The following VPS37A variants were observed in gnomAD, a reference collection of about 807,000 sequenced individuals.
The protein encoded by VPS37A is vacuolar protein sorting-associated protein 37A.
VPS37A carries 30 observed loss-of-function variants against 49.8 expected under a neutral mutation model. The ratio of observed to expected loss-of-function variants is 0.60; its 90% CI spans 0.45 to 0.82. The LOEUF (loss-of-function observed/expected upper bound fraction) is 0.82, where lower values mean the gene tolerates loss of function less well. Ranked by LOEUF, VPS37A falls within the 40% of genes least tolerant of loss-of-function variation. The probability of loss-of-function intolerance (pLI) is 0.00; values close to 1 mark genes in which losing one functional copy is unlikely to be tolerated. For missense variants in VPS37A, 593 were observed against 464.4 expected (o/e 1.28, Z -2.55); for synonymous variants, 195 against 160.6 (o/e 1.21, Z -1.62).
intron 4 of VPS37A, among the ~76,000 whole-genome samples, chr8:17,270,415 G>A (rs1354176735): frequency 2.6e-5 from 4 of 152,172 alleles, no homozygotes; most frequent in African/African-American, 9.7e-5. Context: ...TTAGACTTCA[G>A]TGCTGATACA....
intron 9 of VPS37A, among the ~76,000 whole-genome samples, chr8:17,282,360 G>C (rs1184550943): frequency 2.0e-5 from 3 of 152,066 alleles, no homozygotes; most frequent in Non-Finnish European, 4.4e-5. Flanking sequence ...GTTTATTACA[G>C]ATAAACTGCT....
chr8:17,286,224 C>G (rs1815571279), intron 10 of VPS37A, 123 bp from the exon 11 acceptor site: 2 of 728,312 alleles, frequency 2.7e-6, no homozygotes, highest in East Asian at 5.5e-5. Flanking sequence ...TATTAGCTAT[C>G]TTCAACATTC....
intron 11 of VPS37A, among the ~76,000 whole-genome samples, chr8:17,287,755 T>A (rs1381867514): frequency 6.6e-6 from 1 of 152,016 alleles, no homozygotes; most frequent in Admixed American, 6.6e-5. Flanking sequence ...AGACAGCCGA[T>A]GGAGATAAAC....
At chr8:17,293,113 A>G (rs1019175614) in intron 11 of VPS37A, among the ~76,000 whole-genome samples, 1 of 151,776 alleles carries the variant, frequency 6.6e-6, no homozygotes, top group Admixed American at 6.6e-5. Flanking sequence ...TTGTCTTTTC[A>G]CATAGTCCCA....
the VPS37A span, among the ~76,000 whole-genome samples, chr8:17,309,037 A>C: frequency 1.3e-5 from 2 of 152,330 alleles, no homozygotes; most frequent in East Asian, 3.9e-4. Context: ...GACAATGAAC[A>C]AGCATTCTCT....
At chr8:17,278,491 A>C (rs149059809) in intron 6 of VPS37A, among the ~76,000 whole-genome samples, 1 of 152,044 alleles carries the variant, frequency 6.6e-6, no homozygotes, top group Non-Finnish European at 1.5e-5. Context: ...TTGCTGCACT[A>C]TCTGTCTCCA....
rs141374796 is a variant in VPS37A, at chr8:17,278,335, C to G, written c.714-1693C>G. Among the ~76,000 whole-genome samples the G allele has an allele frequency of 5.5e-4, 83 of 152,066 alleles. 1 individual carries two copies. Among genetic ancestry groups the G allele is most frequent in the African/African-American group, 2.0e-3 (82 of 41,510 alleles). ...ATATGATTTAATGATTTTATCATTA[C>G]CACCAGAATTTATTAACCAGAATTA... On this transcript the variant is annotated intron_variant, in intron 6 of 11. Coordinates refer to ENST00000324849, the MANE Select transcript of VPS37A (RefSeq NM_152415.3).
chr8:17,304,492 C>T, downstream of VPS37A: 1 of 1,613,702 alleles, frequency 6.2e-7, no homozygotes, highest in Non-Finnish European at 8.5e-7. Context: ...ACAGGTGAGC[C>T]CATAATGAGT....
At chr8:17,291,957 G>A (rs527381771) in intron 11 of VPS37A, among the ~76,000 whole-genome samples, 1 of 152,296 alleles carries the variant, frequency 6.6e-6, no homozygotes, top group South Asian at 2.1e-4. Flanking sequence ...TGTTGATTAT[G>A]GGTGGATAGT....
intron 4 of VPS37A, among the ~76,000 whole-genome samples, chr8:17,269,386 A>C (rs963990706): frequency 2.0e-5 from 3 of 152,020 alleles, no homozygotes; most frequent in Non-Finnish European, 2.9e-5. Flanking sequence ...CATTTCCCTT[A>C]TGGTGCAATT....
Position 17,295,680 on chromosome 8 carries a change from A to C in VPS37A, c.*694A>C, listed in dbSNP as rs1025596104. 6 of 152,454 alleles carry C rather than the reference A, an allele frequency of 3.9e-5. No homozygotes were observed. Among genetic ancestry groups the C allele is most frequent in the Admixed American group, 3.9e-4 (6 of 15,276 alleles). 9.4% of individuals were successfully genotyped at this position (152,454 alleles called of 1,614,324 possible). ...CTTTCATTTAAACCATTCCAACAGA[A>C]ATTCTTATGCTAATTTAAAACATAT... On this transcript the variant is annotated 3_prime_UTR_variant, in exon 12 of 12. Transcript: ENST00000324849.
chr8:17,325,109 A>G, the VPS37A span, among the ~76,000 whole-genome samples: 1 of 152,112 alleles, frequency 6.6e-6, no homozygotes, highest in Non-Finnish European at 1.5e-5. Flanking sequence ...GTGTCGAGCA[A>G]AAGGGACATC....
chr8:17,313,612 G>A, the VPS37A span, among the ~76,000 whole-genome samples: 1 of 152,106 alleles, frequency 6.6e-6, no homozygotes, highest in African/African-American at 2.4e-5. Context: ...CTGGTCACAG[G>A]GAATGCTGCA....
At chr8:17,272,157 G>A in intron 4 of VPS37A, 2 of 447,758 alleles carry the variant, frequency 4.5e-6, no homozygotes, top group Admixed American at 2.4e-5. Context: ...TCTGCTCAAA[G>A]GCCCACCAGG....
chr8:17,319,937 C>T, the VPS37A span, among the ~76,000 whole-genome samples: 7 of 152,124 alleles, frequency 4.6e-5, no homozygotes, highest in Non-Finnish European at 5.9e-5. Flanking sequence ...CATGTGGCTA[C>T]GAAACACTTG....
chr8:17,324,604 A>G, the VPS37A span, among the ~76,000 whole-genome samples: 5 of 152,226 alleles, frequency 3.3e-5, no homozygotes, highest in Admixed American at 2.6e-4. Flanking sequence ...AAAAGCACAC[A>G]TACTTGATCC....
intron 1 of VPS37A, among the ~76,000 whole-genome samples, chr8:17,258,758 A>G (rs1812710764): frequency 6.6e-6 from 1 of 152,016 alleles, no homozygotes; most frequent in African/African-American, 2.4e-5. Context: ...CTTTTCTTTG[A>G]TGTGAGACTT....
intron 11 of VPS37A, among the ~76,000 whole-genome samples, chr8:17,288,360 A>C (rs766901096): frequency 6.6e-6 from 1 of 152,090 alleles, no homozygotes; most frequent in Non-Finnish European, 1.5e-5. Context: ...TTCTAATGCT[A>C]TTCCTCTCCT....
In VPS37A at chr8:17,274,962, G is replaced by T; in HGVS notation, c.642+4G>T. ...CACAGTGGATGCTTCAATACCGGTT[G>T]GTATCGTCAGTTATCTATATTTTGT... On this transcript the variant is annotated splice_donor_region_variant and intron_variant, in intron 5 of 11. Coordinates refer to ENST00000324849, the MANE Select transcript of VPS37A (RefSeq NM_152415.3). 6.2e-7 allele frequency: 1 copy of T among 1,611,980 alleles called. No individual in the cohort carries two copies. The highest frequency in any genetic ancestry group is 8.5e-7 in the Non-Finnish European group (1 of 1,178,280).
Sources: allele counts gnomAD v4.1 joint callset (sites outside exome capture counted in the v4.1 genomes callset), GRCh38; gene constraint gnomAD v4.1.1; transcripts MANE v1.5; gene names NCBI Gene and HGNC (gene_info 2026-07-23, HGNC 2026-07-21).